The following EPYC variants were observed in gnomAD, a reference collection of about 807,000 sequenced individuals.
EPYC encodes epiphycan, also known as dermatan sulfate proteoglycan 3.
Under a neutral mutation model 30.1 loss-of-function variants are expected in EPYC, and 28 were observed. The ratio of observed to expected loss-of-function variants is 0.93; its 90% CI spans 0.69 to 1.28. The LOEUF is 1.28. EPYC is among the 50% of genes most tolerant of loss of function. The pLI is 0.00. For missense variants in EPYC, 382 were observed against 383.5 expected, an observed-to-expected ratio of 1.00 and a Z score of 0.03; for synonymous variants, 144 against 141.4, an observed-to-expected ratio of 1.02 and a Z score of -0.13.
intron 6 of EPYC, among the ~76,000 whole-genome samples, chr12:90,967,827 C>T (rs912104231): frequency 2.0e-5 from 3 of 151,950 alleles, no homozygotes; most frequent in African/African-American, 7.3e-5. Context: ...AAAAAGTAGC[C>T]AGGCATGATG....
At chr12:90,996,212 G>T (rs1318902976) in intron 2 of EPYC, among the ~76,000 whole-genome samples, 1 of 151,544 alleles carries the variant, frequency 6.6e-6, no homozygotes, top group East Asian at 1.9e-4. Flanking sequence ...GTCCTATACC[G>T]ATTTATTATA....
At chr12:91,000,560 G>C (rs778526174) in intron 2 of EPYC, among the ~76,000 whole-genome samples, 1 of 151,706 alleles carries the variant, frequency 6.6e-6, no homozygotes, top group Admixed American at 6.6e-5. Context: ...TTTCATTTTT[G>C]CCTAGAGAAG....
chr12:90,979,627 G>T (rs1421772739), intron 2 of EPYC, among the ~76,000 whole-genome samples: 9 of 152,068 alleles, frequency 5.9e-5, no homozygotes, highest in Admixed American at 3.9e-4. Context: ...TCTGAATTGT[G>T]CATCCTTCTG....
chr12:90,966,615 C>G (rs1187916255), intron 6 of EPYC, among the ~76,000 whole-genome samples: 1 of 151,796 alleles, frequency 6.6e-6, no homozygotes. Context: ...ATATATTTGT[C>G]GAGTACTGTT....
chr12:91,003,591 A>G (rs1293959593), intron 1 of EPYC, among the ~76,000 whole-genome samples: 1 of 152,040 alleles, frequency 6.6e-6, no homozygotes, highest in African/African-American at 2.4e-5. Context: ...TAGAAAAAAA[A>G]TCTTCACATT....
chr12:90,985,096 A>C (rs1001020794), intron 2 of EPYC, among the ~76,000 whole-genome samples: 45 of 152,120 alleles, frequency 3.0e-4, no homozygotes, highest in African/African-American at 9.7e-4. Context: ...GGAAAGGGAC[A>C]AATTCCTTAC....
At chr12:90,998,295 C>T (rs1877742388) in intron 2 of EPYC, among the ~76,000 whole-genome samples, 1 of 151,910 alleles carries the variant, frequency 6.6e-6, no homozygotes, top group Non-Finnish European at 1.5e-5. Context: ...AATGAAAGTG[C>T]AGTAAAAGCT....
In EPYC at chr12:90,986,239, G is replaced by A. The variant is rs149636009; in HGVS notation, c.166-7977C>T. On this transcript the variant is annotated intron_variant, in intron 2 of 6. Coordinates refer to ENST00000261172, the MANE Select transcript of EPYC (RefSeq NM_004950.5). ...AAAATGCCTGCCCAGTCCAAATCAG[G>A]CTAAAAGACCCCACCACTCTTCTTA... is the stretch of plus-strand genomic sequence containing the variant. Among the ~76,000 whole-genome samples the A allele has an allele frequency of 1.8e-4, 27 of 152,100 alleles. No individual in the cohort carries two copies. The East Asian group carries it at 2.7e-3, about 15-fold the overall frequency.
chr12:90,984,020 A>T lies in EPYC; in HGVS notation c.166-5758T>A, dbSNP rs529104068. 2.2e-4 allele frequency among the ~76,000 whole-genome samples: 34 copies of T among 152,210 alleles called. No individual in the cohort carries two copies. The Middle Eastern group carries it at 0.01, about 46-fold the overall frequency. ...TGATATCCTTCCTATTCATATGATG[A>T]GAAGTGAGGACAAAAGGCATCACTC... is the stretch of plus-strand genomic sequence containing the variant. On this transcript the variant is annotated intron_variant, in intron 2 of 6. Coordinates refer to ENST00000261172, the MANE Select transcript of EPYC (RefSeq NM_004950.5).
chr12:90,974,266 AG>A (rs35276112), intron 3 of EPYC, among the ~76,000 whole-genome samples: 114,664 of 151,866 alleles, frequency 0.76, 45,029 homozygotes, highest in Non-Finnish European at 0.86. Context: ...CTGAGATGTC[AG>A]GTAAGTTAAG....
intron 2 of EPYC, among the ~76,000 whole-genome samples, chr12:91,000,735 A>G (rs1277287561): frequency 6.6e-6 from 1 of 152,096 alleles, no homozygotes; most frequent in African/African-American, 2.4e-5. Flanking sequence ...GGGAAATGAC[A>G]AATAAGTTTG....
chr12:90,980,722 T>G (rs1231857140), intron 2 of EPYC, among the ~76,000 whole-genome samples: 1 of 152,162 alleles, frequency 6.6e-6, no homozygotes, highest in Non-Finnish European at 1.5e-5. Flanking sequence ...AAGCTACAAT[T>G]GGTAATACTT....
At chr12:90,993,879 G>A (rs1017313000) in intron 2 of EPYC, among the ~76,000 whole-genome samples, 1 of 152,042 alleles carries the variant, frequency 6.6e-6, no homozygotes, top group African/African-American at 2.4e-5. Flanking sequence ...AAGAAAAGGT[G>A]ATGGATAAAT....
chr12:90,995,939 A>T (rs1877684242), intron 2 of EPYC, among the ~76,000 whole-genome samples: 2 of 151,764 alleles, frequency 1.3e-5, no homozygotes, highest in Non-Finnish European at 2.9e-5. Context: ...TTTTTCACGT[A>T]CTCTGGAAAA....
At chr12:90,992,627 A>G (rs1021571091) in intron 2 of EPYC, among the ~76,000 whole-genome samples, 2 of 152,198 alleles carry the variant, frequency 1.3e-5, no homozygotes, top group Non-Finnish European at 2.9e-5. Flanking sequence ...TTCAGGTAAG[A>G]CTGGATGACT....
intron 2 of EPYC, among the ~76,000 whole-genome samples, chr12:90,990,728 G>A (rs778292632): frequency 6.6e-6 from 1 of 152,088 alleles, no homozygotes; most frequent in South Asian, 2.1e-4. Context: ...GCAAAAGAAG[G>A]ACTCTTTTCC....
rs764421519 is a variant in EPYC, at chr12:90,978,071, G to T, written c.340+17C>A. 3 of 1,539,932 alleles carry T rather than the reference G, an allele frequency of 1.9e-6. No homozygotes were observed. The African/African-American group carries it at 4.3e-5, about 22-fold the overall frequency. On this transcript the variant is annotated intron_variant, in intron 3 of 6. Transcript: ENST00000261172. ...ACAAAGTGGACTCAATTGTAATTCTGCTTTGAGGTACCTGACCTTCATTTG... is the reference window on the plus strand; with the variant it reads ...ACAAAGTGGACTCAATTGTAATTCTTCTTTGAGGTACCTGACCTTCATTTG...
chr12:90,981,768 G>A (rs371976246), intron 2 of EPYC, among the ~76,000 whole-genome samples: 2 of 152,162 alleles, frequency 1.3e-5, no homozygotes, highest in East Asian at 3.9e-4. Context: ...TGTTGAACAT[G>A]TTAATTATAC....
chr12:90,992,714 CATTAT>C (rs1300417192), intron 2 of EPYC, among the ~76,000 whole-genome samples: 2 of 152,128 alleles, frequency 1.3e-5, no homozygotes, highest in Non-Finnish European at 2.9e-5. Flanking sequence ...AGAGAAGGAA[CATTAT>C]ATTAGGGAGA....
Sources: gnomAD v4.1 joint callset for allele counts (sites outside exome capture counted in the v4.1 genomes callset) on GRCh38, gnomAD v4.1.1 for gene constraint, MANE v1.5 for transcripts, NCBI Gene and HGNC (gene_info 2026-07-23, HGNC 2026-07-21) for gene names.